Variants in HEG1 observed in about 807,000 individuals in gnomAD.
HEG1 encodes the protein heart development protein with EGF like domains 1.
A neutral mutation model predicts 125.6 loss-of-function variants in HEG1; 56 were observed. The observed-to-expected ratio is 0.45, with a 90% CI of 0.36 to 0.56. HEG1 has a LOEUF of 0.56. Ranked by LOEUF, HEG1 falls within the 20% of genes least tolerant of loss-of-function variation. The pLI, the probability that HEG1 is intolerant of heterozygous loss-of-function variation, is 0.00. For synonymous variants in HEG1, 644 were observed against 668.5 expected (o/e 0.96, Z 0.57); for missense variants, 1,523 against 1,670.0 (o/e 0.91, Z 1.53).
intron 12 of HEG1, 73 bp from the exon 13 acceptor site, chr3:124,991,059 C>G: frequency 2.5e-6 from 3 of 1,188,998 alleles, no homozygotes; most frequent in Non-Finnish European, 2.4e-6. Flanking sequence ...TAAACGCCAG[C>G]CACCCTAAAG....
At chr3:124,976,497 ATTT>A in intron 15 of HEG1, among the ~76,000 whole-genome samples, 1 of 141,908 alleles carries the variant, frequency 7.0e-6, no homozygotes, top group African/African-American at 2.6e-5. Context: ...GCTATTTTCT[ATTT>A]TTTTTTTTTT....
intron 1 of HEG1, among the ~76,000 whole-genome samples, chr3:125,046,398 T>TACACACACACACACACACACAC: frequency 7.1e-6 from 1 of 141,638 alleles, no homozygotes; most frequent in East Asian, 2.1e-4. Context: ...TATATACACA[T>TACACACACACACACACACACAC]ACACACACAC....
Position 125,013,526 on chromosome 3 carries a change from G to A in HEG1, c.2053C>T (p.His685Tyr), listed in dbSNP as rs1432849713. 2 of 1,609,660 alleles carry A rather than the reference G, an allele frequency of 1.2e-6. No individual in the cohort carries two copies. Among genetic ancestry groups the A allele is most frequent in the Admixed American group, 1.7e-5 (1 of 59,002 alleles). The change falls in exon 6 of 17, where the codon CAC (histidine) becomes TAC (tyrosine). Residue 685 changes from histidine (H) to tyrosine (Y), a missense_variant. By Grantham distance (83) the His-to-Tyr change is moderately conservative. Coordinates refer to ENST00000311127, the MANE Select transcript of HEG1 (RefSeq NM_020733.2). ...GGTAAAATTGATGAAAATAAATGGT[G>A]GGATTGTGACACAGAGGGCAGAGGC... ...PLPLPSVSQS[H>Y]HLFSSILPST...
intron 14 of HEG1, among the ~76,000 whole-genome samples, chr3:124,984,569 G>A (rs1442414958): frequency 3.3e-5 from 5 of 152,078 alleles, no homozygotes; most frequent in African/African-American, 1.2e-4. Flanking sequence ...TACCAGCCTG[G>A]CCAACATGAT....
chr3:125,027,928 T>C lies in HEG1; in HGVS notation c.611-421A>G, dbSNP rs1937441561. On this transcript the variant is annotated intron_variant, in intron 2 of 16. Transcript: ENST00000311127. ...GAGTTTCTAAGCTCTGTAGGAATCA[T>C]TTATGAATACAAAAGACTTTCATAT... Among the ~76,000 whole-genome samples the C allele has an allele frequency of 2.0e-5, 3 of 152,224 alleles. No individual in the cohort carries two copies. The South Asian group carries it at 6.2e-4, about 32-fold the overall frequency.
At chr3:124,971,693 T>C (rs1222866179) in intron 16 of HEG1, among the ~76,000 whole-genome samples, 1 of 152,148 alleles carries the variant, frequency 6.6e-6, no homozygotes, top group African/African-American at 2.4e-5. Flanking sequence ...GGTTTCACCA[T>C]GTTAGCCAGA....
intron 1 of HEG1, among the ~76,000 whole-genome samples, chr3:125,038,517 G>A (rs148102975): frequency 0.011 from 1,601 of 152,358 alleles, 9 homozygotes; most frequent in Non-Finnish European, 0.016. Flanking sequence ...TACTGCCACT[G>A]GAGGTCTTGT....
intron 1 of HEG1, among the ~76,000 whole-genome samples, chr3:125,049,469 C>T (rs1937755623): frequency 6.6e-6 from 1 of 152,198 alleles, no homozygotes; most frequent in Non-Finnish European, 1.5e-5. Context: ...AACTACTGCC[C>T]CTCAGGGCTG....
At chr3:125,041,259 C>T (rs1579436840) in intron 1 of HEG1, among the ~76,000 whole-genome samples, 1 of 152,228 alleles carries the variant, frequency 6.6e-6, no homozygotes, top group South Asian at 2.1e-4. Flanking sequence ...GTGCCCCCAT[C>T]CCTCTCCAAA....
Position 125,013,817 on chromosome 3 carries a change from T to A in HEG1, c.1762A>T (p.Ile588Phe), listed in dbSNP as rs1273349419. 1.9e-6 allele frequency: 3 copies of A among 1,613,906 alleles called. No individual in the cohort carries two copies. The highest frequency in any genetic ancestry group is 3.3e-5 in the Admixed American group (2 of 60,010). The change falls in exon 6 of 17, where the codon ATT becomes TTT. Residue 588 changes from isoleucine to phenylalanine, a missense_variant. Coordinates refer to ENST00000311127, the MANE Select transcript of HEG1 (RefSeq NM_020733.2). The stretch of plus-strand genomic sequence containing the variant: ...GAATGTGAAGAGTTTGAGATTTTAA[T>A]ATAAGAAGTTGAGCTCTCCACAATG... ...SDIVESSTSYIKISNSSHSEY... is the reference protein window; with the variant it reads ...SDIVESSTSYFKISNSSHSEY...
chr3:124,980,825 CCA>C (rs1936636039), intron 14 of HEG1, among the ~76,000 whole-genome samples: 1 of 141,912 alleles, frequency 7.0e-6, no homozygotes, highest in South Asian at 2.3e-4. Context: ...GGCCTGAGGA[CCA>C]GTTTTTGCTT....
chr3:124,966,712 A>C lies in HEG1; in HGVS notation c.*3940T>G, dbSNP rs1280524696. ...CTCAAAATTTGTGTATTTTAGAACT[A>C]TGGGTCAAAACCCTGTGTGTTAGGC... On this transcript the variant is annotated 3_prime_UTR_variant, in exon 17 of 17. Transcript: ENST00000311127. The C allele has an allele frequency of 6.6e-6, 1 of 152,248 alleles. No individual in the cohort carries two copies. Among genetic ancestry groups the C allele is most frequent in the Admixed American group, 6.5e-5 (1 of 15,286 alleles). 9.4% of individuals were successfully genotyped at this position (152,248 alleles called of 1,614,324 possible).
In HEG1 at chr3:125,055,854, G is replaced by A; in HGVS notation, c.37C>T (p.Leu13Phe). ...AGCAGCGGCAGCAACAGCAGCAGGA[G>A]CGGCGGCGGCCACCGCGAGGCGCGC... Reference protein sequence around the residue: ...SPRASRWPPPLLLLLLPLLLL... With the variant: ...SPRASRWPPPFLLLLLPLLLL... Residue 13 changes from leucine to phenylalanine, a missense_variant, in exon 1 of 17, where the codon CTC (leucine) becomes TTC (phenylalanine). Coordinates refer to ENST00000311127, the MANE Select transcript of HEG1 (RefSeq NM_020733.2). The A allele has an allele frequency of 4.1e-6, 4 of 980,580 alleles. No individual in the cohort carries two copies. Among genetic ancestry groups the A allele is most frequent in the Non-Finnish European group, 4.8e-6 (4 of 826,846 alleles). 60.7% of individuals were successfully genotyped at this position (980,580 alleles called of 1,614,324 possible).
rs1376295022 is a variant in HEG1 at position 124,990,804 on chromosome 3, C to T, written c.3716G>A (p.Gly1239Asp). ...TCMSCPFGLG[G>D]LNCGNPYQLI... ...ACACTTACGGTTTCCACAGTTGAGA[C>T]CACCAAGGCCAAATGGGCAACTGCA... is the stretch of plus-strand genomic sequence containing the variant. The change falls in exon 14 of 17, where the codon GGT becomes GAT. Residue 1239 changes from glycine (G) to aspartate (D), a missense_variant. Coordinates refer to ENST00000311127, the MANE Select transcript of HEG1 (RefSeq NM_020733.2). 1 of 1,563,588 alleles carries T rather than the reference C, an allele frequency of 6.4e-7. No homozygotes were observed. Among genetic ancestry groups the T allele is most frequent in the Non-Finnish European group, 8.7e-7 (1 of 1,153,210 alleles).
intron 1 of HEG1, among the ~76,000 whole-genome samples, chr3:125,050,251 C>G (rs752465378): frequency 3.3e-5 from 5 of 150,566 alleles, no homozygotes; most frequent in Non-Finnish European, 7.4e-5. Context: ...TCAAGCGATT[C>G]TCATGCCTCA....
chr3:125,031,289 C>A (rs1240963985), intron 1 of HEG1, among the ~76,000 whole-genome samples: 1 of 152,124 alleles, frequency 6.6e-6, no homozygotes, highest in African/African-American at 2.4e-5. Context: ...TGCTGGGTGC[C>A]AGGCCCCTAA....
chr3:125,026,988 A>G (rs921771922), intron 3 of HEG1, among the ~76,000 whole-genome samples: 1 of 152,200 alleles, frequency 6.6e-6, no homozygotes, highest in Non-Finnish European at 1.5e-5. Context: ...CGACAAAAAA[A>G]GAAAAACTAT....
intron 11 of HEG1, among the ~76,000 whole-genome samples, chr3:125,000,539 G>A (rs545565656): frequency 6.6e-6 from 1 of 151,334 alleles, no homozygotes; most frequent in Non-Finnish European, 1.5e-5. Flanking sequence ...GATATAATGG[G>A]GCATGACCTT....
chr3:125,046,904 C>T (rs973743652), intron 1 of HEG1, among the ~76,000 whole-genome samples: 6 of 152,228 alleles, frequency 3.9e-5, no homozygotes, highest in Non-Finnish European at 8.8e-5. Context: ...CCAAGTGTGA[C>T]TGATTTTCAA....
Sources: allele counts gnomAD v4.1 joint callset (sites outside exome capture counted in the v4.1 genomes callset), GRCh38; gene constraint gnomAD v4.1.1; transcripts MANE v1.5; gene names NCBI Gene and HGNC (gene_info 2026-07-23, HGNC 2026-07-21).